Variants in RBFOX1 observed in about 807,000 individuals in gnomAD.
RBFOX1 encodes the protein RNA binding protein fox-1 homolog 1.
RBFOX1 carries 8 observed loss-of-function variants against 57.7 expected under a neutral mutation model. That is an observed-to-expected ratio of 0.14 (90% CI 0.08 to 0.25). The LOEUF (loss-of-function observed/expected upper bound fraction) is 0.25, where lower values mean the gene tolerates loss of function less well. Ranked by LOEUF, RBFOX1 falls within the 10% of genes least tolerant of loss-of-function variation. The pLI is 1.00. For missense variants in RBFOX1, 611 were observed against 548.5 expected, an observed-to-expected ratio of 1.11 and a Z score of -1.14; for synonymous variants, 326 against 222.4, an observed-to-expected ratio of 1.47 and a Z score of -4.15.
rs535850613 is a variant in RBFOX1, at chr16:6,831,899, T to C, written c.-16+177249T>C. ...GAAAGAAGTAGGAAAAGCAATGTCT[T>C]ACTTCTGACGAAGAACTTACAGTTC... On this transcript the variant is annotated intron_variant, in intron 3 of 15. Transcript: ENST00000550418. 7.2e-5 allele frequency among the ~76,000 whole-genome samples: 11 copies of C among 152,316 alleles called. No homozygotes were observed. The East Asian group carries it at 2.1e-3, about 29-fold the overall frequency.
At chr16:7,100,908 C>G (rs2062579061) in intron 4 of RBFOX1, among the ~76,000 whole-genome samples, 1 of 152,060 alleles carries the variant, frequency 6.6e-6, no homozygotes, top group Non-Finnish European at 1.5e-5. Context: ...TTAGAGGTTG[C>G]TTTGCAAGTA....
intron 2 of RBFOX1, among the ~76,000 whole-genome samples, chr16:5,529,128 C>T (rs1337482693): frequency 6.6e-6 from 1 of 152,110 alleles, no homozygotes; most frequent in Non-Finnish European, 1.5e-5. Flanking sequence ...AGAGGACTCT[C>T]AGGCTGTGCA....
chr16:7,696,784 T>G (rs2147855149), intron 14 of RBFOX1, among the ~76,000 whole-genome samples: 1 of 152,262 alleles, frequency 6.6e-6, no homozygotes, highest in South Asian at 2.1e-4. Context: ...GCAATGCTAT[T>G]TTAGACTCAG....
intron 1 of RBFOX1, among the ~76,000 whole-genome samples, chr16:6,296,266 G>C (rs973193153): frequency 6.6e-6 from 1 of 152,134 alleles, no homozygotes; most frequent in Non-Finnish European, 1.5e-5. Context: ...AGAAGAAAGG[G>C]GATAAACATT....
At chr16:7,429,879 A>G (rs2098661726) in intron 4 of RBFOX1, among the ~76,000 whole-genome samples, 3 of 152,214 alleles carry the variant, frequency 2.0e-5, no homozygotes, top group African/African-American at 7.2e-5. Context: ...ACACTCTTCT[A>G]GAAGCTGCAG....
chr16:6,861,125 G>A (rs1406335719), intron 3 of RBFOX1, among the ~76,000 whole-genome samples: 3 of 152,190 alleles, frequency 2.0e-5, no homozygotes, highest in South Asian at 2.1e-4. Context: ...TGGACATACG[G>A]CATTTGCTCC....
intron 11 of RBFOX1, among the ~76,000 whole-genome samples, chr16:7,637,031 A>G (rs1255142908): frequency 6.6e-6 from 1 of 152,206 alleles, no homozygotes; most frequent in Non-Finnish European, 1.5e-5. Flanking sequence ...GACATAATTT[A>G]GTCCGTAGCA....
chr16:5,829,969 T>A (rs1468589915), intron 3 of RBFOX1, among the ~76,000 whole-genome samples: 1 of 152,184 alleles, frequency 6.6e-6, no homozygotes, highest in Non-Finnish European at 1.5e-5. Flanking sequence ...GATCTGAGGC[T>A]GTTTTCTTTT....
chr16:6,029,498 G>A (rs956428715), intron 1 of RBFOX1, among the ~76,000 whole-genome samples: 1 of 152,198 alleles, frequency 6.6e-6, no homozygotes, highest in Non-Finnish European at 1.5e-5. Context: ...ACATGGCCGG[G>A]CGTGGTGGCT....
At chr16:6,555,086 C>A (rs1367680159) in intron 2 of RBFOX1, among the ~76,000 whole-genome samples, 2 of 152,150 alleles carry the variant, frequency 1.3e-5, no homozygotes, top group Non-Finnish European at 2.9e-5. Flanking sequence ...CATGGAAACA[C>A]AGGGAAGGAG....
At chr16:7,215,924 C>T (rs533680048) in intron 4 of RBFOX1, among the ~76,000 whole-genome samples, 37 of 152,134 alleles carry the variant, frequency 2.4e-4, no homozygotes, top group African/African-American at 7.5e-4. Context: ...GGGGTTTCAC[C>T]GTGTTAGCCA....
At chr16:7,446,433 C>A (rs144080962) in intron 4 of RBFOX1, among the ~76,000 whole-genome samples, 1 of 152,178 alleles carries the variant, frequency 6.6e-6, no homozygotes, top group Non-Finnish European at 1.5e-5. Context: ...TTATTTTCAG[C>A]AAGTTCTCCC....
rs1422325560 is a variant in RBFOX1, at chr16:5,606,221, A to G, written c.318+7260A>G. On this transcript the variant is annotated intron_variant, in intron 3 of 19. Coordinates refer to the RBFOX1 transcript ENST00000641259. ...GGGATACTATCTGGTGGCTTCTCCA[A>G]CCTTATCTGCTACTCTCCTCCCACC... is the stretch of plus-strand genomic sequence containing the variant. 2.6e-5 allele frequency among the ~76,000 whole-genome samples: 4 copies of G among 151,956 alleles called. No individual in the cohort carries two copies. The East Asian group carries it at 7.7e-4, about 29-fold the overall frequency.
intron 4 of RBFOX1, among the ~76,000 whole-genome samples, chr16:5,967,590 T>G (rs11076996): frequency 0.047 from 7,107 of 152,258 alleles, 531 homozygotes; most frequent in African/African-American, 0.16. Context: ...TTTAAAAGGA[T>G]AAAATACACC....
intron 4 of RBFOX1, among the ~76,000 whole-genome samples, chr16:7,359,972 A>G (rs922251236): frequency 6.8e-6 from 1 of 147,446 alleles, no homozygotes. Flanking sequence ...TGACAGAGCG[A>G]GACTCTGTCT....
intron 2 of RBFOX1, among the ~76,000 whole-genome samples, chr16:5,521,695 G>T (rs1305209910): frequency 6.6e-6 from 1 of 152,108 alleles, no homozygotes; most frequent in African/African-American, 2.4e-5. Flanking sequence ...GATCTCCCTG[G>T]GAGTTACGTC....
chr16:7,280,887 C>T (rs932157636), intron 4 of RBFOX1, among the ~76,000 whole-genome samples: 5 of 151,788 alleles, frequency 3.3e-5, no homozygotes, highest in African/African-American at 1.2e-4. Context: ...TTTGTACTCA[C>T]TAAAGAAAGG....
At chr16:5,883,360 A>C (rs1256193267) in intron 4 of RBFOX1, among the ~76,000 whole-genome samples, 1 of 152,204 alleles carries the variant, frequency 6.6e-6, no homozygotes, top group South Asian at 2.1e-4. Flanking sequence ...TAACAACAAA[A>C]ATACAATCCT....
rs1401917648 is a variant in RBFOX1, at chr16:6,433,130, C to T, written c.-64+116073C>T. 3.3e-5 allele frequency among the ~76,000 whole-genome samples: 5 copies of T among 152,152 alleles called. No individual in the cohort carries two copies. The East Asian group carries it at 9.6e-4, about 29-fold the overall frequency. ...TCAGATGGAAGCCATTGCAGCAGTT[C>T]AGGTGGGAGTTGATGCTGCCTTGGC... On this transcript the variant is annotated intron_variant, in intron 2 of 15. Coordinates refer to ENST00000550418, the MANE Select transcript of RBFOX1 (RefSeq NM_018723.4).
Sources: allele counts gnomAD v4.1 joint callset (sites outside exome capture counted in the v4.1 genomes callset), GRCh38; gene constraint gnomAD v4.1.1; transcripts MANE v1.5; gene names NCBI Gene and HGNC (gene_info 2026-07-23, HGNC 2026-07-21).